The following NUP98 variants were observed in gnomAD, a reference collection of about 807,000 sequenced individuals.
The protein encoded by NUP98 is nuclear pore complex protein Nup98-Nup96.
NUP98 carries 26 observed loss-of-function variants against 191.9 expected under a neutral mutation model. That is an observed-to-expected ratio of 0.14 (90% CI 0.10 to 0.19). The LOEUF (loss-of-function observed/expected upper bound fraction) is 0.19. NUP98 is among the 10% of genes least tolerant of loss of function. The pLI is 1.00. For missense variants in NUP98, 1,941 were observed against 2,178.8 expected, an observed-to-expected ratio of 0.89 and a Z score of 2.17; for synonymous variants, 808 against 778.4, an observed-to-expected ratio of 1.04 and a Z score of -0.63.
At position 3,719,423 on chromosome 11, in the gene NUP98, T is replaced by C. The variant is rs1290017554; in HGVS notation, c.2388A>G (p.Glu796=). ...ACATAAACTCTTACCTATTTAGCCCTTCACCCACAGGTGGTTTTTGGTTAT... is the reference window on the plus strand; with the variant it reads ...ACATAAACTCTTACCTATTTAGCCCCTCACCCACAGGTGGTTTTTGGTTAT... The part of the protein sequence containing the change: ...LDDNQKPPVG[E]GLNRKAEVTL... The change falls in exon 18 of 33, where the codon GAA becomes GAG. Residue 796 remains glutamate, a synonymous_variant. Coordinates refer to ENST00000324932, the MANE Select transcript of NUP98 (RefSeq NM_016320.5). 6.3e-6 allele frequency: 10 copies of C among 1,596,386 alleles called. No homozygotes were observed. The highest frequency in any genetic ancestry group is 2.7e-5 in the African/African-American group (2 of 73,784).
In NUP98 at chr11:3,721,011, A is replaced by G. The variant is rs1412395569; in HGVS notation, c.2147-186T>C. ...GTGTGTGTGTGTGTGTGTGTGTGAA[A>G]AGCTTCATGGTCAAATAGGTTTGAA... On this transcript the variant is annotated intron_variant, in intron 16 of 32. Coordinates refer to ENST00000324932, the MANE Select transcript of NUP98 (RefSeq NM_016320.5). The G allele has an allele frequency of 5.4e-5, 15 of 277,112 alleles. No individual in the cohort carries two copies. The East Asian group carries it at 7.5e-4, about 14-fold the overall frequency. The allele number at this position is 277,112 out of a possible 1,614,324, so 17.2% of individuals were successfully genotyped here.
intron 12 of NUP98, among the ~76,000 whole-genome samples, chr11:3,741,420 G>A (rs961893647): frequency 2.0e-5 from 3 of 151,776 alleles, no homozygotes; most frequent in Admixed American, 6.6e-5. Context: ...TCAGGAGTTC[G>A]AGACCAGCCT....
intron 10 of NUP98, among the ~76,000 whole-genome samples, chr11:3,756,685 G>A (rs2080969424): frequency 6.6e-6 from 1 of 152,006 alleles, no homozygotes; most frequent in African/African-American, 2.4e-5. Context: ...GTCTCCCAAA[G>A]TGCTGGGATT....
intron 1 of NUP98, among the ~76,000 whole-genome samples, chr11:3,783,861 T>C (rs1372362072): frequency 1.3e-5 from 2 of 151,874 alleles, no homozygotes; most frequent in Middle Eastern, 3.4e-3. Flanking sequence ...AGCTTCATAG[T>C]GAAACACCCA....
At chr11:3,725,723 T>G (rs2079591455) in intron 14 of NUP98, among the ~76,000 whole-genome samples, 1 of 152,218 alleles carries the variant, frequency 6.6e-6, no homozygotes, top group Non-Finnish European at 1.5e-5. Context: ...AGAGAATTTT[T>G]TAAAAACATG....
chr11:3,677,707 T>TG (rs1236727884), intron 31 of NUP98, among the ~76,000 whole-genome samples: 1 of 152,196 alleles, frequency 6.6e-6, no homozygotes, highest in Non-Finnish European at 1.5e-5. Context: ...TGGCATACAG[T>TG]GAGTTCTCCA....
intron 24 of NUP98, among the ~76,000 whole-genome samples, 173 bp downstream of exon 24, chr11:3,700,437 T>C (rs2078642273): frequency 6.6e-6 from 1 of 152,174 alleles, no homozygotes; most frequent in East Asian, 1.9e-4. Context: ...GACAAGAACA[T>C]AGTGACAATT....
intron 7 of NUP98, among the ~76,000 whole-genome samples, chr11:3,770,887 T>TG (rs752005540): frequency 3.9e-5 from 6 of 152,204 alleles, no homozygotes; most frequent in Admixed American, 6.6e-5. Context: ...TATTTAGAGA[T>TG]GGAGTCTTGC....
intron 22 of NUP98, among the ~76,000 whole-genome samples, chr11:3,704,427 A>G (rs2134126927): frequency 6.6e-6 from 1 of 152,360 alleles, no homozygotes. Context: ...TGGGAATTTA[A>G]AAAGGTTTAG....
At chr11:3,725,309 G>A (rs1163399955) in intron 14 of NUP98, 90 bp from the exon 15 acceptor site, 5 of 657,254 alleles carry the variant, frequency 7.6e-6, no homozygotes, top group Admixed American at 4.6e-5. Context: ...GAGTCCAATG[G>A]TGCACTTCTG....
Position 3,675,365 on chromosome 11 carries a change from T to C in NUP98, c.*794A>G, listed in dbSNP as rs568241979. On this transcript the variant is annotated 3_prime_UTR_variant, in exon 33 of 33. Transcript: ENST00000324932. ...CTAACATGGGATGAACAGGGAGGGT[T>C]ACCCAACCTGCCATTTTTTATCCAA... 9.0e-6 allele frequency: 2 copies of C among 223,174 alleles called. No individual in the cohort carries two copies. The highest frequency in any genetic ancestry group is 1.8e-4 in the South Asian group (1 of 5,452). The allele number at this position is 223,174 out of a possible 1,614,324, so 13.8% of individuals were successfully genotyped here. A position where few individuals can be genotyped will look rare whatever the true frequency, so the allele number is the denominator to read the frequency against.
intron 12 of NUP98, among the ~76,000 whole-genome samples, chr11:3,742,671 C>T (rs1012096703): frequency 7.2e-6 from 1 of 138,710 alleles, no homozygotes; most frequent in African/African-American, 2.7e-5. Flanking sequence ...TGCACTCCAG[C>T]CTAGGAGATA....
Position 3,735,203 on chromosome 11 carries a change from C to G in NUP98, c.1530G>C (p.Lys510Asn). 6.3e-7 allele frequency: 1 copy of G among 1,586,800 alleles called. No homozygotes were observed. The highest frequency in any genetic ancestry group is 8.6e-7 in the Non-Finnish European group (1 of 1,164,800). ...PLFRNPMSDP[K>N]KKEERLKPTN... is the part of the protein sequence containing the mutation. ...TCCTTAAATTTACCTCTTCCTTCTTCTTAGGGTCTGACATCGGATTCCGGA... is the reference window on the plus strand; with the variant it reads ...TCCTTAAATTTACCTCTTCCTTCTTGTTAGGGTCTGACATCGGATTCCGGA... Residue 510 changes from lysine to asparagine, a missense_variant, in exon 13 of 33, where the codon AAG becomes AAC. Around this residue, in one of 6 missense-constraint regions of NUP98, gnomAD observed 453 missense variants for 438.2 expected, o/e 1.03. Transcript: ENST00000324932.
At chr11:3,736,225 C>T (rs1038740246) in intron 12 of NUP98, among the ~76,000 whole-genome samples, 4 of 152,100 alleles carry the variant, frequency 2.6e-5, no homozygotes, top group Non-Finnish European at 5.9e-5. Context: ...AGCCACCATG[C>T]CTGGCCTCTA....
intron 17 of NUP98, 79 bp downstream of exon 17, chr11:3,720,633 G>T: frequency 4.4e-6 from 3 of 688,298 alleles, no homozygotes; most frequent in Admixed American, 2.6e-5. Context: ...TGAAGATTCA[G>T]CTATCAAAAG....
intron 20 of NUP98, chr11:3,711,917 G>C: frequency 9.6e-7 from 1 of 1,039,380 alleles, no homozygotes; most frequent in Non-Finnish European, 1.2e-6. Context: ...AAATACCAAA[G>C]GTCTAGCTTT....
At chr11:3,740,276 C>G (rs949436200) in intron 12 of NUP98, among the ~76,000 whole-genome samples, 10 of 151,932 alleles carry the variant, frequency 6.6e-5, no homozygotes, top group Non-Finnish European at 1.5e-4. Context: ...TTTGGGAGGC[C>G]GAAGCGAGAG....
At chr11:3,791,568 G>GGCATGGTGGCTCAT (rs1203236062) in intron 1 of NUP98, among the ~76,000 whole-genome samples, 443 of 148,500 alleles carry the variant, frequency 3.0e-3, no homozygotes, top group African/African-American at 0.011. Flanking sequence ...AGAAAGGCTG[G>GGCATGGTGGCTCAT]GCATGGTGGC....
chr11:3,763,528 C>T (rs1022761143), intron 8 of NUP98, among the ~76,000 whole-genome samples: 3 of 152,096 alleles, frequency 2.0e-5, no homozygotes, highest in African/African-American at 7.2e-5. Context: ...TAAATCAACA[C>T]GGACCGAGGT....
Sources: gnomAD v4.1 joint callset for allele counts (sites outside exome capture counted in the v4.1 genomes callset) on GRCh38, gnomAD v4.1.1 for gene constraint, gnomAD v4.1.1 regional missense constraint, MANE v1.5 for transcripts, NCBI Gene and HGNC (gene_info 2026-07-23, HGNC 2026-07-21) for gene names.